KCNK12: variants seen among roughly 807,000 people sequenced by gnomAD.
KCNK12 encodes potassium channel subfamily K member 12.
A neutral mutation model predicts 25.3 loss-of-function variants in KCNK12; 6 were observed. The observed-to-expected ratio is 0.24, with a 90% CI of 0.13 to 0.47. KCNK12 has a LOEUF of 0.47. KCNK12 is among the 20% of genes least tolerant of loss of function. The pLI is 0.99. For synonymous variants in KCNK12, 331 were observed against 311.1 expected, an observed-to-expected ratio of 1.06 and a Z score of -0.67; for missense variants, 444 against 661.7, an observed-to-expected ratio of 0.67 and a Z score of 3.61.
chr2:47,522,142 C>T (rs1668672677), intron 1 of KCNK12, among the ~76,000 whole-genome samples: 1 of 152,214 alleles, frequency 6.6e-6, no homozygotes, highest in Admixed American at 6.5e-5. Flanking sequence ...GTGCAAACCA[C>T]TGAGCTACCC....
chr2:47,536,922 G>A (rs942377412), intron 1 of KCNK12, among the ~76,000 whole-genome samples: 1 of 152,210 alleles, frequency 6.6e-6, no homozygotes, highest in African/African-American at 2.4e-5. Context: ...ACCAGATGAG[G>A]GATGTTTGGT....
At chr2:47,554,032 G>C (rs974320100) in intron 1 of KCNK12, among the ~76,000 whole-genome samples, 6 of 152,330 alleles carry the variant, frequency 3.9e-5, no homozygotes, top group African/African-American at 1.4e-4. Context: ...ACCAGGGCCA[G>C]ACTAAGTACC....
intron 1 of KCNK12, among the ~76,000 whole-genome samples, chr2:47,537,475 C>A (rs1465101740): frequency 2.0e-5 from 3 of 151,908 alleles, no homozygotes; most frequent in Non-Finnish European, 2.9e-5. Flanking sequence ...GGATTACAGG[C>A]GCCCACCACG....
chr2:47,522,762 C>G (rs1668686496), intron 1 of KCNK12, among the ~76,000 whole-genome samples: 2 of 152,312 alleles, frequency 1.3e-5, no homozygotes, highest in South Asian at 4.1e-4. Context: ...CTAGTTCTTA[C>G]AGTGTGAATA....
rs1669862407 is a variant in KCNK12, at chr2:47,570,245, A to G, written c.87T>C (p.Arg29=). 6.9e-7 allele frequency: 1 copy of G among 1,457,206 alleles called. No individual in the cohort carries two copies. Among genetic ancestry groups the G allele is most frequent in the East Asian group, 3.0e-5 (1 of 33,654 alleles). 90.3% of individuals were successfully genotyped at this position (1,457,206 alleles called of 1,614,324 possible). A position where few individuals can be genotyped will look rare whatever the true frequency, so the allele number is the denominator to read the frequency against. ...GGCCGGTGTCCTCGTTGAGGTGCGA[A>G]CGGCGGCAGCAGCAGCAGCAGCAGG... ...RPSCCCCCCR[R]SHLNEDTGRF... is the part of the protein sequence containing the mutation. The change falls in exon 1 of 2, where the codon CGT becomes CGC. Residue 29 remains arginine (R), a synonymous_variant. Coordinates refer to ENST00000327876, the MANE Select transcript of KCNK12 (RefSeq NM_022055.2).
At chr2:47,558,901 G>A (rs1669604965) in intron 1 of KCNK12, among the ~76,000 whole-genome samples, 1 of 152,218 alleles carries the variant, frequency 6.6e-6, no homozygotes, top group Non-Finnish European at 1.5e-5. Flanking sequence ...AATGTGTGAA[G>A]CAACCTCCAG....
intron 1 of KCNK12, among the ~76,000 whole-genome samples, chr2:47,531,417 G>A (rs1217962443): frequency 1.3e-5 from 2 of 151,854 alleles, no homozygotes; most frequent in African/African-American, 2.4e-5. Context: ...AGGCTGCAGT[G>A]AGCCATGACT....
rs1314576883 is a variant in KCNK12 at position 47,555,557 on chromosome 2, C to G, written c.391+14384G>C. ...GAAGTCCAAACTCCTTTTATCTCAT[C>G]ATTACTTCACAATTTATCACTCTTT... On this transcript the variant is annotated intron_variant, in intron 1 of 1. Transcript: ENST00000327876. The surrounding 1 kb of genome is among the most constrained non-coding windows in gnomAD (Gnocchi z 4.5). Among the ~76,000 whole-genome samples, 1 of 152,224 alleles carries G rather than the reference C, an allele frequency of 6.6e-6. No homozygotes were observed. The highest frequency in any genetic ancestry group is 1.5e-5 in the Non-Finnish European group (1 of 68,038).
At chr2:47,521,879 T>TGGGGGGGGG in intron 1 of KCNK12, 71 bp from the exon 2 acceptor site, 21 of 327,694 alleles carry the variant, frequency 6.4e-5, no homozygotes, top group Non-Finnish European at 7.2e-5. Flanking sequence ...GGGTGGGGGG[T>TGGGGGGGGG]GTGGGGGCGG....
At chr2:47,553,382 T>C (rs1397515041) in intron 1 of KCNK12, among the ~76,000 whole-genome samples, 3 of 152,158 alleles carry the variant, frequency 2.0e-5, no homozygotes, top group Non-Finnish European at 4.4e-5. Context: ...TTATCACTGA[T>C]AGAGATATAT....
intron 1 of KCNK12, among the ~76,000 whole-genome samples, chr2:47,531,743 A>G (rs560149678): frequency 1.1e-4 from 16 of 152,324 alleles, no homozygotes; most frequent in Non-Finnish European, 1.9e-4. Context: ...GCGTAAAAAC[A>G]GTGGGTGCAG....
intron 1 of KCNK12, among the ~76,000 whole-genome samples, chr2:47,561,544 G>A (rs1240860614): frequency 2.0e-5 from 3 of 152,162 alleles, no homozygotes; most frequent in Non-Finnish European, 4.4e-5. Context: ...GTGGCCGGGT[G>A]AGCTACAGGG....
intron 1 of KCNK12, among the ~76,000 whole-genome samples, chr2:47,534,516 C>CCCT (rs1553378757): frequency 2.5e-4 from 5 of 19,894 alleles, no homozygotes; most frequent in African/African-American, 1.8e-3. Context: ...CCCCTTCTAA[C>CCCT]CCCCCCCCCC....
At position 47,566,412 on chromosome 2, in the gene KCNK12, GCACGTGTGTACACACA is replaced by G. The variant is rs1295572167; in HGVS notation, c.391+3513_391+3528del. 6.6e-6 allele frequency: 1 copy of G among 151,624 alleles called. No homozygotes were observed. The highest frequency in any genetic ancestry group is 1.5e-5 in the Non-Finnish European group (1 of 67,914). The allele number at this position is 151,624 out of a possible 1,614,324, so 9.4% of individuals were successfully genotyped here. On this transcript the variant is annotated intron_variant, in intron 1 of 1. Coordinates refer to ENST00000327876, the MANE Select transcript of KCNK12 (RefSeq NM_022055.2). This position sits in a 1 kb window ranked among gnomAD's most constrained non-coding sequence, Gnocchi z 4.1. ...CATGTGCTCTCAAGAGTGTGTGTGTGCACGTGTGTACACACACACGTGCACACACACATACACACAC... is the reference window on the plus strand; with the variant it reads ...CATGTGCTCTCAAGAGTGTGTGTGTGCACGTGCACACACACATACACACAC...
At position 47,519,264 on chromosome 2, in the gene KCNK12, C is replaced by G. The variant is rs753346150; in HGVS notation, c.*1643G>C. On this transcript the variant is annotated 3_prime_UTR_variant, in exon 2 of 2. Transcript: ENST00000327876. ...GAAGGGGAAAGAAGAGTTTGACATT[C>G]AAGTTTGACTCTAATGCTGGGTGCG... 6.6e-6 allele frequency: 1 copy of G among 152,232 alleles called. No individual in the cohort carries two copies. The highest frequency in any genetic ancestry group is 1.5e-5 in the Non-Finnish European group (1 of 68,048). 9.4% of individuals were successfully genotyped at this position (152,232 alleles called of 1,614,324 possible).
intron 1 of KCNK12, chr2:47,567,266 A>G (rs760250457): frequency 6.6e-6 from 1 of 152,262 alleles, no homozygotes; most frequent in Non-Finnish European, 1.5e-5. Flanking sequence ...AAAACTGAGT[A>G]TGTGCTAATT....
At chr2:47,558,550 T>A (rs1394557608) in intron 1 of KCNK12, among the ~76,000 whole-genome samples, 1 of 152,196 alleles carries the variant, frequency 6.6e-6, no homozygotes, top group Non-Finnish European at 1.5e-5. Flanking sequence ...GGCCCGTGCC[T>A]ACCTTTCCCC....
rs1331457178 is a variant in KCNK12, at chr2:47,525,342, G to A, written c.392-3534C>T. On this transcript the variant is annotated intron_variant, in intron 1 of 1. Transcript: ENST00000327876. This position sits in a 1 kb window ranked among gnomAD's most constrained non-coding sequence, Gnocchi z 4.1. Reference sequence around the variant, plus strand: ...CCAGGGGATGGTTGGAGCAGGGAAGGTCAAGAGGACTTATGGAGTGTCAGC... The same window carrying A: ...CCAGGGGATGGTTGGAGCAGGGAAGATCAAGAGGACTTATGGAGTGTCAGC... Among the ~76,000 whole-genome samples the A allele has an allele frequency of 6.6e-6, 1 of 152,220 alleles. No individual in the cohort carries two copies. Among genetic ancestry groups the A allele is most frequent in the African/African-American group, 2.4e-5 (1 of 41,462 alleles).
At chr2:47,552,588 T>C (rs34559328) in intron 1 of KCNK12, among the ~76,000 whole-genome samples, 38,695 of 151,908 alleles carry the variant, frequency 0.25, 6,170 homozygotes, top group African/African-American at 0.43. Context: ...GCCAACATGG[T>C]GAAACCCCAT....
Sources: allele counts gnomAD v4.1 joint callset (sites outside exome capture counted in the v4.1 genomes callset), GRCh38; gene constraint gnomAD v4.1.1; non-coding constraint Gnocchi (gnomAD v3.1); transcripts MANE v1.5; gene names NCBI Gene and HGNC (gene_info 2026-07-23, HGNC 2026-07-21).